Variants in C2 observed in about 807,000 individuals in gnomAD.
C2 encodes complement C2, also known as C3/C5 convertase.
A neutral mutation model predicts 85.2 loss-of-function variants in C2; 64 were observed. The ratio of observed to expected loss-of-function variants is 0.75; its 90% CI spans 0.61 to 0.92. The LOEUF is 0.92. C2 is among the 40% of genes least tolerant of loss of function. The pLI is 0.00. For missense variants in C2, 820 were observed against 971.6 expected (o/e 0.84, Z 2.07); for synonymous variants, 311 against 370.8 (o/e 0.84, Z 1.85).
upstream of C2, among the ~76,000 whole-genome samples, chr6:31,925,284 G>T (rs1404089275): frequency 1.3e-5 from 2 of 151,906 alleles, no homozygotes; most frequent in Non-Finnish European, 2.9e-5. Flanking sequence ...AGAGTCAGCC[G>T]AGTATTGCGC....
Position 31,944,909 on chromosome 6 carries a change from G to A in C2, c.2029+56G>A, listed in dbSNP as rs972245855. On this transcript the variant is annotated intron_variant, in intron 16 of 17. Coordinates refer to ENST00000299367, the MANE Select transcript of C2 (RefSeq NM_000063.6). This position sits in a 1 kb window ranked among gnomAD's most constrained non-coding sequence, Gnocchi z 5.1. ...GGGGAAGGCCACCTGTGTCTCTGTG[G>A]CCAGCATGCATGCCAGAACACCAGT... is the stretch of plus-strand genomic sequence containing the variant. 10 of 1,612,832 alleles carry A rather than the reference G, an allele frequency of 6.2e-6. No homozygotes were observed. Among genetic ancestry groups the A allele is most frequent in the Non-Finnish European group, 6.8e-6 (8 of 1,179,934 alleles).
chr6:31,932,476 T>C (rs9267751), intron 3 of C2: 13,710 of 234,998 alleles, frequency 0.058, 432 homozygotes, highest in African/African-American at 0.11. Context: ...ACATCCCGGA[T>C]GGGGCGGCCG....
intron 1 of C2, among the ~76,000 whole-genome samples, chr6:31,914,293 T>C (rs547781300): frequency 9.2e-5 from 14 of 151,570 alleles, no homozygotes; most frequent in Non-Finnish European, 1.8e-4. Flanking sequence ...GACTGTCACA[T>C]AGAAATCCTG....
intron 1 of C2, among the ~76,000 whole-genome samples, chr6:31,914,634 C>T (rs558787954): frequency 3.3e-5 from 5 of 149,914 alleles, no homozygotes; most frequent in East Asian, 2.0e-4. Context: ...AGCAATCGGC[C>T]GGGCGCGGTG....
rs1398604414 is a variant in C2 at position 31,921,236 on chromosome 6, A to T, written c.-100+1210A>T. On this transcript the variant is annotated intron_variant, in intron 1 of 3. Coordinates refer to the C2 transcript ENST00000413154. The surrounding 1 kb of genome is among the most constrained non-coding windows in gnomAD (Gnocchi z 4.6). ...AAAGATGCTATTTACTTGGGGTGGA[A>T]ATAGGATGGGGGAGGGCATTGGCTT... is the stretch of plus-strand genomic sequence containing the variant. Among the ~76,000 whole-genome samples, 1 of 152,086 alleles carries T rather than the reference A, an allele frequency of 6.6e-6. No homozygotes were observed. Among genetic ancestry groups the T allele is most frequent in the Non-Finnish European group, 1.5e-5 (1 of 68,012 alleles).
chr6:31,925,838 T>A (rs1769227323), upstream of C2, among the ~76,000 whole-genome samples: 1 of 152,128 alleles, frequency 6.6e-6, no homozygotes, highest in Non-Finnish European at 1.5e-5. Context: ...CCCCCCACCT[T>A]TACGATAGTT....
intron 1 of C2, chr6:31,901,188 C>T (rs1767221636): frequency 6.2e-7 from 1 of 1,613,404 alleles, no homozygotes; most frequent in African/African-American, 1.3e-5. Flanking sequence ...TTGAGGCTGT[C>T]GGCCACAATG....
At chr6:31,933,319 C>T (rs1770080379) in intron 3 of C2, among the ~76,000 whole-genome samples, 1 of 152,230 alleles carries the variant, frequency 6.6e-6, no homozygotes, top group Non-Finnish European at 1.5e-5. Flanking sequence ...AACAGAGTGC[C>T]AGTCGCTCTG....
chr6:31,906,735 C>T (rs1767736912), intron 1 of C2, among the ~76,000 whole-genome samples: 1 of 151,742 alleles, frequency 6.6e-6, no homozygotes, highest in South Asian at 2.1e-4. Flanking sequence ...TGTGTCCCTG[C>T]AAATGACCTA....
At position 31,943,943 on chromosome 6, in the gene C2, A is replaced by T. The variant is rs1402951181; in HGVS notation, c.1760A>T (p.Glu587Val). Reference sequence around the variant, plus strand: ...CCCATCTGCCTTCCCTGCACGATGGAGGCCAATCTGGCTCTGCGGAGACCT... The same window carrying T: ...CCCATCTGCCTTCCCTGCACGATGGTGGCCAATCTGGCTCTGCGGAGACCT... ...ARPICLPCTM[E>V]ANLALRRPQG... The change falls in exon 14 of 18, where the codon GAG becomes GTG. Residue 587 changes from glutamate to valine, a missense_variant. Coordinates refer to ENST00000299367, the MANE Select transcript of C2 (RefSeq NM_000063.6). The surrounding 1 kb of genome is among the most constrained non-coding windows in gnomAD (Gnocchi z 6.4). 2 of 1,612,940 alleles carry T rather than the reference A, an allele frequency of 1.2e-6. No individual in the cohort carries two copies. Among genetic ancestry groups the T allele is most frequent in the East Asian group, 4.5e-5 (2 of 44,882 alleles).
At chr6:31,900,368 G>A (rs1420137934), upstream of C2, 7 of 1,403,428 alleles carry the variant, frequency 5.0e-6, no homozygotes, top group Admixed American at 5.8e-5. This position sits in a 1 kb window ranked among gnomAD's most constrained non-coding sequence, Gnocchi z 9.7. Flanking sequence ...GCTGCCCCCC[G>A]CCCCCAGGCT....
chr6:31,901,282 C>G, intron 1 of C2: 1 of 1,612,068 alleles, frequency 6.2e-7, no homozygotes, highest in Non-Finnish European at 8.5e-7. Context: ...GCTGGAAGCG[C>G]AGGACTTCCA....
rs1159425603 is a variant in C2, at chr6:31,942,973, G to A, written c.1234G>A (p.Gly412Arg). Reference sequence around the variant, plus strand: ...TTCCCCACCAGACATCTATGCCATCGGGGTGGGCAAGCTGGATGTGGACTG... The same window carrying A: ...TTCCCCACCAGACATCTATGCCATCAGGGTGGGCAAGCTGGATGTGGACTG... ...RNDYLDIYAI[G>R]VGKLDVDWRE... is the part of the protein sequence containing the mutation. Residue 412 changes from glycine (G) to arginine (R), a missense_variant, in exon 10 of 18, where the codon GGG becomes AGG. By Grantham distance (125) the Gly-to-Arg change is moderately radical (BLOSUM62 -2). Transcript: ENST00000299367. 12 of 1,612,956 alleles carry A rather than the reference G, an allele frequency of 7.4e-6. No individual in the cohort carries two copies. The highest frequency in any genetic ancestry group is 3.3e-5 in the Admixed American group (2 of 60,006).
chr6:31,903,877 A>C (rs934940083), intron 1 of C2, among the ~76,000 whole-genome samples: 3 of 151,882 alleles, frequency 2.0e-5, no homozygotes, highest in Non-Finnish European at 2.9e-5. Flanking sequence ...GTTGAATCTA[A>C]GAGTCTGTTC....
rs1389629748 is a variant in C2 at position 31,922,433 on chromosome 6, G to A, written c.-100+2407G>A. On this transcript the variant is annotated intron_variant, in intron 1 of 3. Coordinates refer to the C2 transcript ENST00000413154. This position sits in a 1 kb window ranked among gnomAD's most constrained non-coding sequence, Gnocchi z 4.8. ...GTAGACTGGCCACTAGAGTGGGGTCGGCCTCTGCTATATGCCACGTTTCCT... is the reference window on the plus strand; with the variant it reads ...GTAGACTGGCCACTAGAGTGGGGTCAGCCTCTGCTATATGCCACGTTTCCT... 6.6e-6 allele frequency among the ~76,000 whole-genome samples: 1 copy of A among 152,062 alleles called. No homozygotes were observed. The highest frequency in any genetic ancestry group is 1.5e-5 in the Non-Finnish European group (1 of 68,018).
At chr6:31,924,408 G>T (rs1373184767), upstream of C2, among the ~76,000 whole-genome samples, 2 of 152,162 alleles carry the variant, frequency 1.3e-5, no homozygotes, top group Non-Finnish European at 2.9e-5. Flanking sequence ...ATCCACATGT[G>T]ACTTCCATTT....
At chr6:31,912,141 A>G (rs1768157104) in intron 1 of C2, among the ~76,000 whole-genome samples, 1 of 152,122 alleles carries the variant, frequency 6.6e-6, no homozygotes, top group African/African-American at 2.4e-5. Flanking sequence ...TCTGAGTAGC[A>G]AGCATCCACA....
chr6:31,904,436 C>T lies in C2; in HGVS notation c.73+3297C>T, dbSNP rs548266461. Among the ~76,000 whole-genome samples, 1 of 152,134 alleles carries T rather than the reference C, an allele frequency of 6.6e-6. No homozygotes were observed. Among genetic ancestry groups the T allele is most frequent in the East Asian group, 1.9e-4 (1 of 5,172 alleles). On this transcript the variant is annotated intron_variant, in intron 1 of 3. Transcript: ENST00000452202. This position sits in a 1 kb window ranked among gnomAD's most constrained non-coding sequence, Gnocchi z 4.4. ...TCAAGTGATTCTCCTGCCTCAACCT[C>T]CCAAGTAGCTGGGATTACAGGTGCC...
chr6:31,943,530 A>T lies in C2; in HGVS notation c.1567+3A>T. ...CTCCCTGTGGAGGGTCAATGTGGGT[A>T]AGGCAGGGGATGCACCAGCCTCCTG... is the stretch of plus-strand genomic sequence containing the variant. On this transcript the variant is annotated splice_donor_region_variant and intron_variant, in intron 12 of 17. Coordinates refer to ENST00000299367, the MANE Select transcript of C2 (RefSeq NM_000063.6). The surrounding 1 kb of genome is among the most constrained non-coding windows in gnomAD (Gnocchi z 6.4). The T allele has an allele frequency of 6.2e-7, 1 of 1,611,790 alleles. No individual in the cohort carries two copies. The highest frequency in any genetic ancestry group is 8.5e-7 in the Non-Finnish European group (1 of 1,178,910).
Sources: gnomAD v4.1 joint callset for allele counts (sites outside exome capture counted in the v4.1 genomes callset) on GRCh38, gnomAD v4.1.1 for gene constraint, Gnocchi (gnomAD v3.1) non-coding constraint, MANE v1.5 for transcripts, NCBI Gene and HGNC (gene_info 2026-07-23, HGNC 2026-07-21) for gene names.